The following BCAP29 variants were observed in gnomAD, a reference collection of about 807,000 sequenced individuals.
The protein encoded by BCAP29 is B cell receptor associated protein 29, also known as B-cell receptor-associated protein 29.
A neutral mutation model predicts 31.8 loss-of-function variants in BCAP29; 34 were observed. The observed-to-expected ratio is 1.07, with a 90% CI of 0.81 to 1.42. BCAP29 has a LOEUF of 1.42. BCAP29 is among the 40% of genes most tolerant of loss of function. The pLI is 0.00. For synonymous variants in BCAP29, 104 were observed against 91.3 expected (o/e 1.14, Z -0.79); for missense variants, 314 against 269.2 (o/e 1.17, Z -1.16).
chr7:107,593,409 C>T (rs955559588), intron 3 of BCAP29, among the ~76,000 whole-genome samples: 5 of 152,212 alleles, frequency 3.3e-5, no homozygotes, highest in Non-Finnish European at 7.3e-5. Context: ...CCAGTAGCAG[C>T]TGCTATGCAC....
At chr7:107,599,817 G>T (rs1305098663) in intron 5 of BCAP29, among the ~76,000 whole-genome samples, 1 of 151,920 alleles carries the variant, frequency 6.6e-6, no homozygotes, top group Non-Finnish European at 1.5e-5. Context: ...CATTTTTAAA[G>T]CCAGAATCAA....
At chr7:107,617,402 C>G (rs1814381568) in intron 7 of BCAP29, among the ~76,000 whole-genome samples, 1 of 152,050 alleles carries the variant, frequency 6.6e-6, no homozygotes. Context: ...GTTATAGGCA[C>G]TAAATAAATA....
chr7:107,617,273 A>C (rs574680539), intron 7 of BCAP29, among the ~76,000 whole-genome samples: 15 of 152,336 alleles, frequency 9.8e-5, no homozygotes, highest in African/African-American at 3.6e-4. Context: ...AAAACGAAAG[A>C]TCATTAAAAT....
intron 6 of BCAP29, among the ~76,000 whole-genome samples, chr7:107,612,744 A>G (rs1392803385): frequency 6.6e-6 from 1 of 152,112 alleles, no homozygotes; most frequent in Non-Finnish European, 1.5e-5. Context: ...GAATTTATTC[A>G]TGAGGAAACA....
intron 7 of BCAP29, among the ~76,000 whole-genome samples, 191 bp from the exon 8 acceptor site, chr7:107,618,137 G>A (rs927585623): frequency 1.3e-5 from 2 of 152,076 alleles, no homozygotes; most frequent in African/African-American, 4.8e-5. Context: ...TACCAAGAGT[G>A]TTCTTTTTCC....
chr7:107,613,596 G>T lies in BCAP29; in HGVS notation c.690+164G>T, dbSNP rs1251350079. On this transcript the variant is annotated intron_variant, in intron 7 of 7. Coordinates refer to ENST00000005259, the MANE Select transcript of BCAP29 (RefSeq NM_018844.4). ...ATTTTTACCTAGAGGGTAAAGATTA[G>T]GACATTGCAGGAAAATACAAGATAA... The T allele has an allele frequency of 2.9e-5, 44 of 1,492,980 alleles. No individual in the cohort carries two copies. In the South Asian group the frequency reaches 3.1e-4, roughly 10 times the overall value. 92.5% of individuals were successfully genotyped at this position (1,492,980 alleles called of 1,614,324 possible).
intron 6 of BCAP29, among the ~76,000 whole-genome samples, chr7:107,603,121 C>T (rs1055397648): frequency 1.3e-5 from 2 of 151,734 alleles, no homozygotes; most frequent in African/African-American, 4.8e-5. Context: ...AGGCGCCTGC[C>T]GCCACGCCTG....
intron 7 of BCAP29, chr7:107,615,691 GA>G (rs1470940362): frequency 1.5e-5 from 3 of 203,896 alleles, no homozygotes; most frequent in African/African-American, 6.8e-5. Flanking sequence ...GATTATGCCA[GA>G]CACCATGCCG....
chr7:107,581,732 TC>T (rs796904172), intron 2 of BCAP29, among the ~76,000 whole-genome samples: 13 of 152,304 alleles, frequency 8.5e-5, no homozygotes, highest in African/African-American at 3.1e-4. Context: ...TCACCTTAGC[TC>T]AGGGTCCAGA....
chr7:107,613,533 C>T lies in BCAP29; in HGVS notation c.690+101C>T. ...GTCCTTAACTAATCAAGATGATGTA[C>T]TTAATCCTGGCTTTGTTAAACGATT... On this transcript the variant is annotated intron_variant, in intron 7 of 7. Coordinates refer to ENST00000005259, the MANE Select transcript of BCAP29 (RefSeq NM_018844.4). 4.6e-6 allele frequency: 6 copies of T among 1,312,402 alleles called. No homozygotes were observed. The East Asian group carries it at 7.3e-5, about 16-fold the overall frequency. The allele number at this position is 1,312,402 out of a possible 1,614,324, so 81.3% of individuals were successfully genotyped here.
intron 2 of BCAP29, 73 bp downstream of exon 2, chr7:107,580,937 A>G (rs1806537712): frequency 8.5e-7 from 1 of 1,176,148 alleles, no homozygotes; most frequent in Non-Finnish European, 1.2e-6. Flanking sequence ...AGTTTTCTGA[A>G]CATTAAAAAG....
chr7:107,606,759 T>C (rs1053643667), intron 6 of BCAP29, among the ~76,000 whole-genome samples: 34 of 152,192 alleles, frequency 2.2e-4, no homozygotes, highest in African/African-American at 8.2e-4. Flanking sequence ...AAGAAATGAT[T>C]TAAGAAATTA....
intron 6 of BCAP29, among the ~76,000 whole-genome samples, chr7:107,607,635 C>CTTTTTTT (rs57817003): frequency 1.5e-5 from 2 of 132,638 alleles, no homozygotes; most frequent in Non-Finnish European, 3.3e-5. Context: ...CTTTCTTTTT[C>CTTTTTTT]TTTTTTTTTT....
chr7:107,609,810 T>G (rs1812806763), intron 6 of BCAP29, among the ~76,000 whole-genome samples: 1 of 152,208 alleles, frequency 6.6e-6, no homozygotes, highest in African/African-American at 2.4e-5. Flanking sequence ...ACTCTTGAAT[T>G]CTCAGAAAGA....
At position 107,584,784 on chromosome 7, in the gene BCAP29, G is replaced by C. The variant is rs193023706; in HGVS notation, c.193+802G>C. ...AATATGGAGTGATTGTATAATATTA[G>C]GGAATTTTTGTTAACTTTAGTTGTG... On this transcript the variant is annotated intron_variant, in intron 3 of 7. Transcript: ENST00000005259. 1.1e-4 allele frequency among the ~76,000 whole-genome samples: 16 copies of C among 152,242 alleles called. No homozygotes were observed. In the East Asian group the frequency reaches 2.9e-3, roughly 28 times the overall value.
At chr7:107,595,754 A>G in intron 4 of BCAP29, 113 bp from the exon 5 acceptor site, 2 of 1,169,086 alleles carry the variant, frequency 1.7e-6, no homozygotes, top group Middle Eastern at 2.4e-4. Flanking sequence ...CTGCCTAAAC[A>G]TTATCTGCCA....
rs776650045 is a variant in BCAP29 at position 107,613,364 on chromosome 7, A to G, written c.622A>G (p.Met208Val). The G allele has an allele frequency of 4.3e-6, 7 of 1,612,370 alleles. No individual in the cohort carries two copies. Residue 208 changes from methionine (M) to valine (V), a missense_variant, in exon 7 of 8, where the codon ATG becomes GTG. Met to Val is a conservative substitution (Grantham distance 21, BLOSUM62 1). Transcript: ENST00000005259. Reference protein sequence around the residue: ...LSKAQNDVMEMKMQSERLSKE... With the variant: ...LSKAQNDVMEVKMQSERLSKE... ...TAAGGCACAAAATGATGTGATGGAA[A>G]TGAAGATGCAGTCAGAGAGACTTTC...
In BCAP29 at chr7:107,595,925, G is replaced by A. The variant is rs528664838; in HGVS notation, c.403G>A (p.Gly135Ser). The change falls in exon 5 of 8, where the codon GGT (glycine) becomes AGT (serine). Residue 135 changes from glycine to serine, a missense_variant. Physicochemically the swap from Gly to Ser is moderately conservative, Grantham distance 56 (BLOSUM62 0). Transcript: ENST00000005259. ...ACTGGCAAAAGAACTGTCAAACAAAGGTGTACTTAAAACTCAAGCAGAAAA... is the reference window on the plus strand; with the variant it reads ...ACTGGCAAAAGAACTGTCAAACAAAAGTGTACTTAAAACTCAAGCAGAAAA... ...TQLAKELSNKGVLKTQAENTN... is the reference protein window; with the variant it reads ...TQLAKELSNKSVLKTQAENTN... The A allele has an allele frequency of 1.0e-5, 16 of 1,597,624 alleles. No homozygotes were observed. The South Asian group carries it at 1.0e-4, about 10-fold the overall frequency.
At chr7:107,596,934 T>C (rs1809948175) in intron 5 of BCAP29, among the ~76,000 whole-genome samples, 1 of 152,186 alleles carries the variant, frequency 6.6e-6, no homozygotes, top group East Asian at 1.9e-4. Flanking sequence ...TCTTTCTGTT[T>C]GTTTGTTTTC....
Sources: allele counts gnomAD v4.1 joint callset (sites outside exome capture counted in the v4.1 genomes callset), GRCh38; gene constraint gnomAD v4.1.1; transcripts MANE v1.5; gene names NCBI Gene and HGNC (gene_info 2026-07-23, HGNC 2026-07-21).